Variants in ZNF654 observed in about 807,000 individuals in gnomAD.
ZNF654 encodes melanoma-associated antigen.
ZNF654 carries 19 observed loss-of-function variants against 95.3 expected under a neutral mutation model. The observed-to-expected ratio is 0.20, with a 90% CI of 0.14 to 0.29. The LOEUF (loss-of-function observed/expected upper bound fraction) is 0.29. Ranked by LOEUF, ZNF654 falls within the 10% of genes least tolerant of loss-of-function variation. ZNF654 has a pLI of 1.00. For synonymous variants in ZNF654, 413 were observed against 457.9 expected, an observed-to-expected ratio of 0.90 and a Z score of 1.25; for missense variants, 1,046 against 1,341.0, an observed-to-expected ratio of 0.78 and a Z score of 3.44.
At chr3:88,086,495 C>G in intron 2 of ZNF654, 93 bp downstream of exon 2, 2 of 1,080,302 alleles carry the variant, frequency 1.9e-6, no homozygotes, top group Middle Eastern at 2.8e-4. Context: ...GAAACCTTTC[C>G]TAAAGTATTC....
chr3:88,077,819 A>T (rs1707895221), intron 1 of ZNF654, among the ~76,000 whole-genome samples: 1 of 152,228 alleles, frequency 6.6e-6, no homozygotes, highest in Admixed American at 6.5e-5. Context: ...TGTGTGTTTA[A>T]TGGAAATCAT....
At chr3:88,067,380 G>A (rs917338384) in intron 1 of ZNF654, among the ~76,000 whole-genome samples, 4 of 152,188 alleles carry the variant, frequency 2.6e-5, no homozygotes, top group Non-Finnish European at 5.9e-5. Flanking sequence ...GGACTTAACA[G>A]AAGCCAGAGC....
intron 1 of ZNF654, among the ~76,000 whole-genome samples, chr3:88,085,721 G>A (rs1440104202): frequency 6.6e-6 from 1 of 152,144 alleles, no homozygotes; most frequent in Non-Finnish European, 1.5e-5. Flanking sequence ...CATAAAACTA[G>A]TTAAGTGACA....
chr3:88,091,461 T>G (rs2078083814), intron 2 of ZNF654, among the ~76,000 whole-genome samples: 1 of 152,210 alleles, frequency 6.6e-6, no homozygotes, highest in Non-Finnish European at 1.5e-5. Context: ...TTGGAATTTT[T>G]TCCCTCTTTC....
chr3:88,132,533 A>G (rs780243993), intron 6 of ZNF654, among the ~76,000 whole-genome samples: 5 of 152,194 alleles, frequency 3.3e-5, no homozygotes, highest in Non-Finnish European at 7.3e-5. Flanking sequence ...CCACTGTACA[A>G]CTAAAACCTC....
In ZNF654 at chr3:88,087,029, A is replaced by G. The variant is rs553908969; in HGVS notation, c.332+627A>G. ...GATCTCCTGACCTCGTGATCTGCCT[A>G]CCTTGGCCTCCCAAAGTGCTGGGAT... On this transcript the variant is annotated intron_variant, in intron 2 of 8. Coordinates refer to ENST00000636215, the MANE Select transcript of ZNF654 (RefSeq NM_001350134.2). 3.3e-5 allele frequency among the ~76,000 whole-genome samples: 5 copies of G among 151,704 alleles called. No individual in the cohort carries two copies. The East Asian group carries it at 7.8e-4, about 24-fold the overall frequency.
At chr3:88,123,771 C>T (rs1310594167) in intron 3 of ZNF654, among the ~76,000 whole-genome samples, 2 of 152,152 alleles carry the variant, frequency 1.3e-5, no homozygotes, top group Admixed American at 1.3e-4. Context: ...CAGAACTAAG[C>T]TCACCAATGA....
chr3:88,129,295 T>G (rs1706297954), intron 5 of ZNF654, among the ~76,000 whole-genome samples: 1 of 85,754 alleles, frequency 1.2e-5, no homozygotes, highest in Non-Finnish European at 2.3e-5. Flanking sequence ...CAAATAAAAG[T>G]CAACAAGCTC....
At chr3:88,061,438 A>G (rs1314359779) in intron 1 of ZNF654, among the ~76,000 whole-genome samples, 1 of 152,192 alleles carries the variant, frequency 6.6e-6, no homozygotes, top group Non-Finnish European at 1.5e-5. Context: ...TTCTATTGCT[A>G]AATTATGTTA....
At chr3:88,105,263 G>C (rs1032285675) in intron 2 of ZNF654, among the ~76,000 whole-genome samples, 2 of 142,160 alleles carry the variant, frequency 1.4e-5, no homozygotes, top group Non-Finnish European at 3.1e-5. Context: ...TAGATAAACA[G>C]ATACATACAT....
intron 2 of ZNF654, among the ~76,000 whole-genome samples, chr3:88,088,793 G>GATGC (rs1291742989): frequency 5.3e-5 from 8 of 151,882 alleles, no homozygotes; most frequent in African/African-American, 1.9e-4. Context: ...TGGATGGATG[G>GATGC]ATGGAGTCTG....
Position 88,139,217 on chromosome 3 carries a change from T to C in ZNF654, c.1548T>C (p.Ser516=), listed in dbSNP as rs1001450714. ...GAGAGACTGATCCTGATGATGTATC[T>C]GGAGTGCAGCCTAAAGGTCATATTA... ...STGETDPDDV[S]GVQPKGHINT... is the part of the protein sequence containing the mutation. The change falls in exon 8 of 9, where the codon TCT becomes TCC. Residue 516 remains serine, a synonymous_variant. Coordinates refer to ENST00000636215, the MANE Select transcript of ZNF654 (RefSeq NM_001350134.2). 5 of 1,473,072 alleles carry C rather than the reference T, an allele frequency of 3.4e-6. No individual in the cohort carries two copies. Among genetic ancestry groups the C allele is most frequent in the Non-Finnish European group, 2.7e-6 (3 of 1,114,944 alleles). 91.3% of individuals were successfully genotyped at this position (1,473,072 alleles called of 1,614,324 possible). A position where few individuals can be genotyped will look rare whatever the true frequency, so the allele number is the denominator to read the frequency against.
At chr3:88,102,337 G>T (rs1352378350) in intron 2 of ZNF654, among the ~76,000 whole-genome samples, 2 of 152,042 alleles carry the variant, frequency 1.3e-5, no homozygotes, top group African/African-American at 4.8e-5. Context: ...CTCATTAATA[G>T]CTCTAGTCGT....
chr3:88,139,924 G>A lies in ZNF654; in HGVS notation c.2255G>A (p.Gly752Asp). The change falls in exon 8 of 9, where the codon GGT becomes GAT. Residue 752 changes from glycine (G) to aspartate (D), a missense_variant. Gly to Asp is a moderately conservative substitution (Grantham distance 94). This residue lies in a region of ZNF654 where 495 missense variants were observed against 537.0 expected (regional missense o/e 0.92). Transcript: ENST00000636215. The part of the protein sequence containing the change: ...QEGNFKCPAL[G>D]CVRIFKRIGF... ...GGAAACTTTAAGTGTCCTGCTCTTG[G>A]TTGTGTCCGGATATTTAAAAGAATT... The A allele has an allele frequency of 6.2e-7, 1 of 1,613,606 alleles. No homozygotes were observed. Among genetic ancestry groups the A allele is most frequent in the Non-Finnish European group, 8.5e-7 (1 of 1,179,762 alleles).
At chr3:88,067,960 A>G (rs1707295449) in intron 1 of ZNF654, among the ~76,000 whole-genome samples, 1 of 152,048 alleles carries the variant, frequency 6.6e-6, no homozygotes, top group Non-Finnish European at 1.5e-5. Flanking sequence ...TTTGAAAGGA[A>G]GATACAAATC....
chr3:88,093,284 T>C (rs1235943303), intron 2 of ZNF654, among the ~76,000 whole-genome samples: 2 of 152,188 alleles, frequency 1.3e-5, no homozygotes, highest in African/African-American at 2.4e-5. Flanking sequence ...TGAAACTAAG[T>C]GGACTTTCAG....
At position 88,135,108 on chromosome 3, in the gene ZNF654, C is replaced by G; in HGVS notation, c.941C>G (p.Ser314Ter). Residue 314 changes from serine to a stop codon, truncating the protein, a stop_gained, in exon 7 of 9, where the codon TCA becomes TGA. Coordinates refer to ENST00000636215, the MANE Select transcript of ZNF654 (RefSeq NM_001350134.2). LOFTEE classifies it high-confidence loss of function. ...WSKLQLKSNP[S>*]KQVFVDQCYQ... The stretch of plus-strand genomic sequence containing the variant: ...AAACTACAGCTTAAATCTAATCCTT[C>G]AAAACAAGTTTTTGTAGATCAATGC... 1 of 1,478,338 alleles carries G rather than the reference C, an allele frequency of 6.8e-7. No individual in the cohort carries two copies. Among genetic ancestry groups the G allele is most frequent in the Non-Finnish European group, 8.9e-7 (1 of 1,122,148 alleles). The allele number at this position is 1,478,338 out of a possible 1,614,324, so 91.6% of individuals were successfully genotyped here.
At chr3:88,122,971 T>C (rs1208792868) in intron 3 of ZNF654, among the ~76,000 whole-genome samples, 20 of 149,254 alleles carry the variant, frequency 1.3e-4, no homozygotes, top group Non-Finnish European at 2.1e-4. Flanking sequence ...GGTTGCACCA[T>C]TGCACTCCTG....
At chr3:88,133,911 A>G (rs1691601235) in intron 6 of ZNF654, among the ~76,000 whole-genome samples, 1 of 152,132 alleles carries the variant, frequency 6.6e-6, no homozygotes, top group African/African-American at 2.4e-5. Context: ...AGAATAGAGG[A>G]ATGTTTAGTG....
Sources: allele counts gnomAD v4.1 joint callset (sites outside exome capture counted in the v4.1 genomes callset), GRCh38; gene constraint gnomAD v4.1.1; regional missense constraint gnomAD v4.1.1; transcripts MANE v1.5; gene names NCBI Gene and HGNC (gene_info 2026-07-23, HGNC 2026-07-21).